The following NAALADL2 variants were observed in gnomAD, a reference collection of about 807,000 sequenced individuals.
NAALADL2 encodes the protein inactive N-acetylated-alpha-linked acidic dipeptidase-like protein 2.
Under a neutral mutation model 87.2 loss-of-function variants are expected in NAALADL2, and 76 were observed. That is an observed-to-expected ratio of 0.87 (90% confidence interval 0.72 to 1.05). The LOEUF (loss-of-function observed/expected upper bound fraction) is 1.05, where lower values mean the gene tolerates loss of function less well. NAALADL2 is among the 50% of genes least tolerant of loss of function. The pLI, the probability that NAALADL2 is intolerant of heterozygous loss-of-function variation, is 0.00. For synonymous variants in NAALADL2, 354 were observed against 331.0 expected, an observed-to-expected ratio of 1.07 and a Z score of -0.75; for missense variants, 1,089 against 945.8, an observed-to-expected ratio of 1.15 and a Z score of -1.99.
chr3:174,497,393 A>G (rs1033473115), intron 1 of NAALADL2, among the ~76,000 whole-genome samples: 10 of 152,086 alleles, frequency 6.6e-5, no homozygotes, highest in Non-Finnish European at 7.4e-5. Context: ...TTGGGAGGCC[A>G]AGGATTAAAC....
chr3:174,855,931 AAT>A (rs910089756), upstream of NAALADL2, among the ~76,000 whole-genome samples: 6 of 149,046 alleles, frequency 4.0e-5, no homozygotes, highest in African/African-American at 1.5e-4. Flanking sequence ...CATAGATATG[AAT>A]ATATATACAC....
At chr3:174,515,263 A>G (rs1210646050) in intron 1 of NAALADL2, among the ~76,000 whole-genome samples, 1 of 152,068 alleles carries the variant, frequency 6.6e-6, no homozygotes, top group Non-Finnish European at 1.5e-5. Context: ...TAAGACTTGT[A>G]ACTGTTAAGC....
chr3:175,688,558 T>TC (rs1192270119), intron 11 of NAALADL2, among the ~76,000 whole-genome samples: 1 of 152,110 alleles, frequency 6.6e-6, no homozygotes, highest in Non-Finnish European at 1.5e-5. Context: ...GTTCTTTTTT[T>TC]CCCTCATGGA....
chr3:175,062,661 T>C (rs1362680024), intron 1 of NAALADL2, among the ~76,000 whole-genome samples: 1 of 152,194 alleles, frequency 6.6e-6, no homozygotes, highest in Non-Finnish European at 1.5e-5. Context: ...TTTGTCTCTA[T>C]AACGGGGCTA....
chr3:174,551,947 T>C (rs1214380236), intron 2 of NAALADL2, among the ~76,000 whole-genome samples: 1 of 152,228 alleles, frequency 6.6e-6, no homozygotes, highest in African/African-American at 2.4e-5. Context: ...CATTTATGTA[T>C]ACTTGGAGAA....
At chr3:174,979,213 T>C (rs1216945233) in intron 1 of NAALADL2, among the ~76,000 whole-genome samples, 1 of 151,944 alleles carries the variant, frequency 6.6e-6, no homozygotes, top group African/African-American at 2.4e-5. Context: ...TAAATTTTTC[T>C]TATTTGTTCA....
chr3:175,277,251 T>A (rs1446881905), intron 4 of NAALADL2, among the ~76,000 whole-genome samples: 1 of 152,204 alleles, frequency 6.6e-6, no homozygotes, highest in Non-Finnish European at 1.5e-5. Flanking sequence ...ATATCTTTAC[T>A]ACCCATATAC....
At chr3:175,120,215 T>C (rs1268905109) in intron 2 of NAALADL2, among the ~76,000 whole-genome samples, 1 of 151,728 alleles carries the variant, frequency 6.6e-6, no homozygotes, top group Non-Finnish European at 1.5e-5. Flanking sequence ...CTTTTCCATG[T>C]AGACATTTTA....
rs147672944 is a variant in NAALADL2, at chr3:175,132,685, G to C, written c.545+35394G>C. Reference sequence around the variant, plus strand: ...TGACCCCTCCACCTCCCTCCCGGACGGGGCAGCTGGCTGGGCAGAGGGGCT... The same window carrying C: ...TGACCCCTCCACCTCCCTCCCGGACCGGGCAGCTGGCTGGGCAGAGGGGCT... On this transcript the variant is annotated intron_variant, in intron 2 of 13. Transcript: ENST00000454872. 2.7e-5 allele frequency among the ~76,000 whole-genome samples: 3 copies of C among 112,044 alleles called. 1 individual carries two copies. Among genetic ancestry groups the C allele is most frequent in the African/African-American group, 1.1e-4 (3 of 28,566 alleles). The allele number at this position is 112,044 out of a possible 152,430, so 73.5% of individuals were successfully genotyped here. A position where few individuals can be genotyped will look rare whatever the true frequency, so the allele number is the denominator to read the frequency against.
intron 2 of NAALADL2, among the ~76,000 whole-genome samples, chr3:175,215,081 A>G (rs1385907376): frequency 2.6e-5 from 4 of 152,062 alleles, no homozygotes; most frequent in Non-Finnish European, 5.9e-5. Context: ...CTTGATATCT[A>G]CAAGTAGTAA....
chr3:175,623,980 T>G (rs2149707879), intron 10 of NAALADL2, among the ~76,000 whole-genome samples: 1 of 152,036 alleles, frequency 6.6e-6, no homozygotes, highest in East Asian at 1.9e-4. Flanking sequence ...TATTATTTTT[T>G]TCCTTCCTGA....
intron 6 of NAALADL2, among the ~76,000 whole-genome samples, chr3:175,449,717 A>C (rs1721266321): frequency 6.6e-6 from 1 of 152,164 alleles, no homozygotes; most frequent in Non-Finnish European, 1.5e-5. Context: ...AATATGCAGA[A>C]TAATGTCCTT....
intron 1 of NAALADL2, among the ~76,000 whole-genome samples, chr3:175,094,683 G>T (rs1006253008): frequency 6.6e-6 from 1 of 150,888 alleles, no homozygotes; most frequent in Non-Finnish European, 1.5e-5. Context: ...AGAATATTTA[G>T]TATAACATGG....
At chr3:174,825,647 ACACC>A (rs1721893121) in intron 3 of NAALADL2, among the ~76,000 whole-genome samples, 1 of 152,162 alleles carries the variant, frequency 6.6e-6, no homozygotes, top group Non-Finnish European at 1.5e-5. Context: ...ATTAATCATC[ACACC>A]CAGTATGCCT....
intron 11 of NAALADL2, among the ~76,000 whole-genome samples, chr3:175,707,983 C>A (rs1016225586): frequency 2.6e-5 from 4 of 151,762 alleles, no homozygotes; most frequent in African/African-American, 7.3e-5. Context: ...TGAAATGATT[C>A]ACCGAACTGA....
intron 9 of NAALADL2, among the ~76,000 whole-genome samples, chr3:175,570,830 A>G (rs1397459036): frequency 1.3e-5 from 2 of 151,070 alleles, no homozygotes; most frequent in Non-Finnish European, 2.9e-5. Context: ...CAGTGAGCCA[A>G]TATCGTGCCA....
At chr3:174,655,808 CCTTA>C (rs1724859283) in intron 2 of NAALADL2, among the ~76,000 whole-genome samples, 1 of 152,006 alleles carries the variant, frequency 6.6e-6, no homozygotes, top group Admixed American at 6.6e-5. Flanking sequence ...ATTTAAATTA[CCTTA>C]CTTTATCAGT....
intron 2 of NAALADL2, among the ~76,000 whole-genome samples, chr3:175,118,167 G>C (rs570730150): frequency 6.6e-6 from 1 of 151,806 alleles, no homozygotes; most frequent in Non-Finnish European, 1.5e-5. Flanking sequence ...TAAATGACGA[G>C]TTAATGGGTG....
intron 3 of NAALADL2, among the ~76,000 whole-genome samples, chr3:174,740,599 C>T (rs993535995): frequency 3.3e-5 from 5 of 151,758 alleles, no homozygotes; most frequent in Non-Finnish European, 5.9e-5. Context: ...TCATAAAATA[C>T]TCTTATAATC....
Sources: allele counts gnomAD v4.1 joint callset (sites outside exome capture counted in the v4.1 genomes callset), GRCh38; gene constraint gnomAD v4.1.1; transcripts MANE v1.5; gene names NCBI Gene and HGNC (gene_info 2026-07-23, HGNC 2026-07-21).